Variants in VAV2 observed in about 807,000 individuals in gnomAD.
The protein encoded by VAV2 is vav guanine nucleotide exchange factor 2, also known as guanine nucleotide exchange factor VAV2.
A neutral mutation model predicts 132.5 loss-of-function variants in VAV2; 67 were observed. The ratio of observed to expected loss-of-function variants is 0.51; its 90% CI spans 0.42 to 0.62. The LOEUF is 0.62. VAV2 is among the 20% of genes least tolerant of loss of function. VAV2 has a pLI of 0.00. For missense variants in VAV2, 938 were observed against 1,153.6 expected (o/e 0.81, Z 2.71); for synonymous variants, 492 against 443.5 (o/e 1.11, Z -1.37).
chr9:133,950,619 A>G (rs1488556318), intron 1 of VAV2, among the ~76,000 whole-genome samples: 2 of 152,180 alleles, frequency 1.3e-5, no homozygotes, highest in Non-Finnish European at 2.9e-5. Flanking sequence ...TCTCTTTATA[A>G]CCATCTTCCC....
intron 2 of VAV2, among the ~76,000 whole-genome samples, chr9:133,938,380 T>C (rs1471143903): frequency 1.3e-5 from 2 of 152,156 alleles, no homozygotes; most frequent in South Asian, 2.1e-4. Context: ...GCTGCTGGGC[T>C]CTGGAAGGCA....
chr9:133,787,835 C>T (rs1313858610), intron 15 of VAV2, among the ~76,000 whole-genome samples: 2 of 146,970 alleles, frequency 1.4e-5, no homozygotes, highest in African/African-American at 5.4e-5. Context: ...ACAGGCCCCA[C>T]CCCTGCAGCC....
At chr9:133,783,931 A>C (rs1467441541) in intron 18 of VAV2, among the ~76,000 whole-genome samples, 3 of 125,094 alleles carry the variant, frequency 2.4e-5, no homozygotes, top group African/African-American at 9.4e-5. Context: ...CCCAGGCTGG[A>C]GTGCAGTGGC....
In VAV2 at chr9:133,919,367, C is replaced by A. The variant is rs1840214600; in HGVS notation, c.321+19736G>T. Among the ~76,000 whole-genome samples the A allele has an allele frequency of 6.6e-6, 1 of 152,210 alleles. No homozygotes were observed. Among genetic ancestry groups the A allele is most frequent in the Non-Finnish European group, 1.5e-5 (1 of 68,036 alleles). On this transcript the variant is annotated intron_variant, in intron 2 of 29. Coordinates refer to ENST00000371850, the MANE Select transcript of VAV2 (RefSeq NM_001134398.2). The surrounding 1 kb of genome is among the most constrained non-coding windows in gnomAD (Gnocchi z 5.8). ...TGGAGACTCTTAGGGCCCCACCGGG[C>A]TTTGAAACCAGATCCTGGGAGCTGC... is the stretch of plus-strand genomic sequence containing the variant.
At chr9:133,958,162 GA>G (rs1841849787) in intron 1 of VAV2, among the ~76,000 whole-genome samples, 1 of 138,800 alleles carries the variant, frequency 7.2e-6, no homozygotes, top group Non-Finnish European at 1.6e-5. Context: ...GGAAGGGAAA[GA>G]CCTGACCGTC....
chr9:133,785,728 A>T, intron 17 of VAV2, 48 bp downstream of exon 17: 1 of 1,581,160 alleles, frequency 6.3e-7, no homozygotes, highest in Non-Finnish European at 8.7e-7. Context: ...TCCACCCCCC[A>T]TACAACTCAT....
intron 3 of VAV2, among the ~76,000 whole-genome samples, chr9:133,852,054 G>A (rs965078649): frequency 6.6e-6 from 1 of 152,080 alleles, no homozygotes; most frequent in East Asian, 1.9e-4. Context: ...ATGTATGGAT[G>A]GATGGATAAA....
intron 1 of VAV2, among the ~76,000 whole-genome samples, chr9:133,950,146 C>T (rs973097733): frequency 1.3e-5 from 2 of 152,258 alleles, no homozygotes; most frequent in Non-Finnish European, 2.9e-5. Flanking sequence ...GGCTGCCCAG[C>T]AACCCCTGGC....
chr9:133,941,671 C>T (rs981774046), intron 1 of VAV2, among the ~76,000 whole-genome samples: 4 of 148,066 alleles, frequency 2.7e-5, no homozygotes, highest in Non-Finnish European at 4.5e-5. Context: ...GGTGTGATCT[C>T]GGCTCACCAC....
At chr9:133,862,317 G>A (rs189129056) in intron 2 of VAV2, among the ~76,000 whole-genome samples, 191 of 152,372 alleles carry the variant, frequency 1.3e-3, no homozygotes, top group African/African-American at 4.1e-3. Flanking sequence ...CGCGGTGGGG[G>A]ACAGGGAGCT....
At position 133,769,580 on chromosome 9, in the gene VAV2, C is replaced by CG. The variant is rs1405180810; in HGVS notation, c.2348-78dup. Reference sequence around the variant, plus strand: ...AGTCACGGTGGGCACAGCTACAGGCCGGGGGGCATGGGGTGGGGCAGGCCC... The same window carrying CG: ...AGTCACGGTGGGCACAGCTACAGGCCGGGGGGGCATGGGGTGGGGCAGGCCC... On this transcript the variant is annotated intron_variant, in intron 27 of 29. Coordinates refer to ENST00000371850, the MANE Select transcript of VAV2 (RefSeq NM_001134398.2). The surrounding 1 kb of genome is among the most constrained non-coding windows in gnomAD (Gnocchi z 8.1). 8 of 1,436,124 alleles carry CG rather than the reference C, an allele frequency of 5.6e-6. No individual in the cohort carries two copies. In the East Asian group the frequency reaches 7.7e-5, roughly 14 times the overall value. 89.0% of individuals were successfully genotyped at this position (1,436,124 alleles called of 1,614,324 possible).
At chr9:133,951,503 A>C (rs539548462) in intron 1 of VAV2, among the ~76,000 whole-genome samples, 1 of 152,170 alleles carries the variant, frequency 6.6e-6, no homozygotes, top group East Asian at 1.9e-4. Context: ...AGCTGGACCC[A>C]ATGTGGCACC....
At chr9:133,838,874 G>T (rs1018183166) in intron 3 of VAV2, among the ~76,000 whole-genome samples, 3 of 126,360 alleles carry the variant, frequency 2.4e-5, no homozygotes, top group African/African-American at 8.8e-5. Flanking sequence ...TGGGTGGATG[G>T]ATAGATGGGT....
rs578064062 is a variant in VAV2 at position 133,794,177 on chromosome 9, C to T, written c.1101+1491G>A. On this transcript the variant is annotated intron_variant, in intron 12 of 29. Transcript: ENST00000371850. This position sits in a 1 kb window ranked among gnomAD's most constrained non-coding sequence, Gnocchi z 4.6. ...CCTGCTGTCACTGTCTCAGAGCCCC[C>T]GAGGACGCATCCACGCTGGCTCACA... is the stretch of plus-strand genomic sequence containing the variant. Among the ~76,000 whole-genome samples the T allele has an allele frequency of 2.6e-5, 4 of 152,258 alleles. No homozygotes were observed. Among genetic ancestry groups the T allele is most frequent in the African/African-American group, 7.2e-5 (3 of 41,536 alleles).
chr9:133,881,017 C>G (rs1838472642), intron 2 of VAV2, among the ~76,000 whole-genome samples: 1 of 152,206 alleles, frequency 6.6e-6, no homozygotes, highest in Non-Finnish European at 1.5e-5. Flanking sequence ...GCAACACCCC[C>G]CTCCATACAG....
chr9:133,764,374 C>T (rs1180205824), intron 29 of VAV2, among the ~76,000 whole-genome samples: 2 of 152,168 alleles, frequency 1.3e-5, no homozygotes, highest in African/African-American at 2.4e-5. Flanking sequence ...AGGAAAAGAA[C>T]ATCACCCAGA....
chr9:133,794,855 A>G lies in VAV2; in HGVS notation c.1101+813T>C, dbSNP rs973503189. On this transcript the variant is annotated intron_variant, in intron 12 of 29. Transcript: ENST00000371850. The surrounding 1 kb of genome is among the most constrained non-coding windows in gnomAD (Gnocchi z 4.6). ...ACGAACAAGTGTGTCCAGGAGGAAGAGTGCCACCCACGAGGAAGCCAGTTC... is the reference window on the plus strand; with the variant it reads ...ACGAACAAGTGTGTCCAGGAGGAAGGGTGCCACCCACGAGGAAGCCAGTTC... Among the ~76,000 whole-genome samples, 2 of 152,168 alleles carry G rather than the reference A, an allele frequency of 1.3e-5. No individual in the cohort carries two copies. Among genetic ancestry groups the G allele is most frequent in the Non-Finnish European group, 2.9e-5 (2 of 68,032 alleles).
At chr9:133,817,988 G>C (rs570099646) in intron 4 of VAV2, among the ~76,000 whole-genome samples, 1 of 152,272 alleles carries the variant, frequency 6.6e-6, no homozygotes, top group Admixed American at 6.5e-5. Context: ...ATTGACATTT[G>C]AATCAGAAGA....
rs1841040759 is a variant in VAV2 at position 133,939,203 on chromosome 9, T to G, written c.221A>C (p.Asn74Thr). 1.2e-6 allele frequency: 2 copies of G among 1,614,266 alleles called. No homozygotes were observed. Among genetic ancestry groups the G allele is most frequent in the African/African-American group, 2.7e-5 (2 of 75,064 alleles). Residue 74 changes from asparagine to threonine, a missense_variant, in exon 2 of 30, where the codon AAC (asparagine) becomes ACC (threonine). Physicochemically the swap from Asn to Thr is moderately conservative, Grantham distance 65. Transcript: ENST00000371850. ...PQMSQFLCLK[N>T]IRTFLKVCHD... ...GCAGACTTTCAGGAAGGTGCGTATG[T>G]TCTTCAAACACAGAAACTAAAGGGA...
Sources: allele counts gnomAD v4.1 joint callset (sites outside exome capture counted in the v4.1 genomes callset), GRCh38; gene constraint gnomAD v4.1.1; non-coding constraint Gnocchi (gnomAD v3.1); transcripts MANE v1.5; gene names NCBI Gene and HGNC (gene_info 2026-07-23, HGNC 2026-07-21).